CCDC18: variants seen among roughly 807,000 people sequenced by gnomAD.
CCDC18 encodes the protein coiled-coil domain-containing protein 18.
In CCDC18, 157 loss-of-function variants were observed where a neutral mutation model predicts 196.0. The observed-to-expected ratio is 0.80, with a 90% CI of 0.70 to 0.91. CCDC18 has a LOEUF of 0.91. Ranked by LOEUF, CCDC18 falls within the 40% of genes least tolerant of loss-of-function variation. The pLI is 0.00. For synonymous variants in CCDC18, 482 were observed against 529.2 expected (o/e 0.91, Z 1.22); for missense variants, 1,465 against 1,611.6 (o/e 0.91, Z 1.56).
chr1:93,180,948 C>G, intron 1 of CCDC18, 96 bp downstream of exon 1: 5 of 1,211,778 alleles, frequency 4.1e-6, no homozygotes, highest in Non-Finnish European at 4.4e-6. Flanking sequence ...CTTTCCCTCC[C>G]GGCACCTTGG....
intron 17 of CCDC18, among the ~76,000 whole-genome samples, chr1:93,230,446 C>T (rs1030242039): frequency 5.3e-5 from 8 of 150,542 alleles, no homozygotes; most frequent in African/African-American, 1.7e-4. Flanking sequence ...GAGCCGAGAT[C>T]GCATCACTGC....
At chr1:93,180,605 C>T, upstream of CCDC18, 1 of 1,352,022 alleles carries the variant, frequency 7.4e-7, no homozygotes, top group Non-Finnish European at 9.8e-7. Flanking sequence ...CGCTAGTGGG[C>T]TCGGGCGCGC....
At chr1:93,219,160 C>G (rs1393844291) in intron 14 of CCDC18, among the ~76,000 whole-genome samples, 1 of 152,172 alleles carries the variant, frequency 6.6e-6, no homozygotes, top group African/African-American at 2.4e-5. Context: ...TGCCTTCCAC[C>G]TACAAATTTA....
intron 6 of CCDC18, among the ~76,000 whole-genome samples, chr1:93,198,694 C>T (rs1653226793): frequency 6.6e-6 from 1 of 152,072 alleles, no homozygotes; most frequent in Non-Finnish European, 1.5e-5. Context: ...GTTACCCAGG[C>T]TGGAGTGCAA....
At chr1:93,276,088 G>A (rs1665606586) in intron 28 of CCDC18, among the ~76,000 whole-genome samples, 2 of 152,186 alleles carry the variant, frequency 1.3e-5, no homozygotes, top group East Asian at 1.9e-4. Context: ...GCTGTGCAGA[G>A]GGTATCAGCT....
At chr1:93,198,064 T>C (rs930508708) in intron 6 of CCDC18, among the ~76,000 whole-genome samples, 1 of 152,118 alleles carries the variant, frequency 6.6e-6, no homozygotes, top group African/African-American at 2.4e-5. Flanking sequence ...TCTCCTGCAT[T>C]TCTAATGGAA....
intron 24 of CCDC18, among the ~76,000 whole-genome samples, chr1:93,255,561 CCT>C (rs1405369512): frequency 9.2e-5 from 14 of 152,016 alleles, no homozygotes; most frequent in African/African-American, 1.7e-4. Context: ...CAGTGGGACC[CCT>C]GTCTCTACAA....
intron 1 of CCDC18, among the ~76,000 whole-genome samples, chr1:93,181,999 T>C (rs1649798784): frequency 6.6e-6 from 1 of 152,254 alleles, no homozygotes; most frequent in Non-Finnish European, 1.5e-5. Flanking sequence ...AATGGTATTA[T>C]AGAATTTGCC....
At chr1:93,191,890 A>G in intron 4 of CCDC18, 110 bp from the exon 5 acceptor site, 3 of 663,968 alleles carry the variant, frequency 4.5e-6, no homozygotes, top group Non-Finnish European at 8.0e-6. Context: ...ATATCTGACC[A>G]ATGATTTGGG....
chr1:93,255,827 G>A (rs1312940524), intron 24 of CCDC18, among the ~76,000 whole-genome samples: 1 of 151,488 alleles, frequency 6.6e-6, no homozygotes, highest in African/African-American at 2.4e-5. Flanking sequence ...GGAGGGGGAG[G>A]AATACTTTAT....
chr1:93,210,674 TCTC>T (rs1231712356), intron 9 of CCDC18, 125 bp from the exon 10 acceptor site: 3 of 608,178 alleles, frequency 4.9e-6, no homozygotes, highest in Admixed American at 3.2e-5. Flanking sequence ...ATTTATATAT[TCTC>T]CTATTGATGG....
At chr1:93,271,551 T>C (rs975858871) in intron 28 of CCDC18, 10 of 984,734 alleles carry the variant, frequency 1.0e-5, no homozygotes, top group African/African-American at 1.7e-5. Context: ...ATACCCACTC[T>C]AAGCTGGGTG....
intron 6 of CCDC18, among the ~76,000 whole-genome samples, chr1:93,196,131 C>T (rs1652678947): frequency 6.6e-6 from 1 of 152,028 alleles, no homozygotes; most frequent in Non-Finnish European, 1.5e-5. Context: ...AGGACCAGCC[C>T]GGGCAACATG....
intron 8 of CCDC18, 51 bp downstream of exon 8, chr1:93,205,682 C>T (rs1654598651): frequency 2.0e-6 from 3 of 1,488,056 alleles, no homozygotes; most frequent in Non-Finnish European, 2.7e-6. Context: ...ATGGAAAAAA[C>T]TGAAACACTT....
rs1450047291 is a variant in CCDC18, at chr1:93,183,462, G to A, written c.101G>A (p.Trp34Ter). The A allele has an allele frequency of 6.2e-7, 1 of 1,603,360 alleles. No homozygotes were observed. The highest frequency in any genetic ancestry group is 1.7e-5 in the Admixed American group (1 of 58,722). The change falls in exon 2 of 29, where the codon TGG becomes TAG. Residue 34 changes from tryptophan (W) to a stop codon, truncating the protein, a stop_gained. Transcript: ENST00000690025. LOFTEE classifies it high-confidence loss of function. ...SLRHELKITE[W>*]SLQSLGEELS... is the part of the protein sequence containing the mutation. Reference sequence around the variant, plus strand: ...AGACATGAACTGAAGATAACAGAATGGAGTTTGCAGAGTTTAGGGGAAGAG... The same window carrying A: ...AGACATGAACTGAAGATAACAGAATAGAGTTTGCAGAGTTTAGGGGAAGAG...
chr1:93,213,169 A>G (rs559090096), intron 11 of CCDC18, among the ~76,000 whole-genome samples: 6 of 151,408 alleles, frequency 4.0e-5, no homozygotes, highest in African/African-American at 1.5e-4. Flanking sequence ...CCTGCCACTC[A>G]CCTCCTACTA....
At chr1:93,233,328 T>C (rs1304118117) in intron 18 of CCDC18, among the ~76,000 whole-genome samples, 2 of 152,236 alleles carry the variant, frequency 1.3e-5, no homozygotes, top group East Asian at 1.9e-4. Context: ...GAGAATTTTA[T>C]ACTAGAATCT....
chr1:93,215,556 A>G (rs1400968071), intron 12 of CCDC18, among the ~76,000 whole-genome samples: 2 of 151,724 alleles, frequency 1.3e-5, no homozygotes, highest in Non-Finnish European at 2.9e-5. Context: ...TTCTAGGCTC[A>G]AGCCATTCTC....
chr1:93,240,867 G>T (rs1429471990), intron 21 of CCDC18, among the ~76,000 whole-genome samples: 1 of 152,146 alleles, frequency 6.6e-6, no homozygotes, highest in Admixed American at 6.5e-5. Context: ...TCATGCAGTT[G>T]CTCAAACCAC....
Sources: gnomAD v4.1 joint callset for allele counts (sites outside exome capture counted in the v4.1 genomes callset) on GRCh38, gnomAD v4.1.1 for gene constraint, MANE v1.5 for transcripts, NCBI Gene and HGNC (gene_info 2026-07-23, HGNC 2026-07-21) for gene names.